The following RAB2A variants were observed in gnomAD, a reference collection of about 807,000 sequenced individuals.
RAB2A encodes RAB2A, member RAS oncogene family, also known as ras-related protein Rab-2A.
Under a neutral mutation model 32.5 loss-of-function variants are expected in RAB2A, and 7 were observed. The observed-to-expected ratio is 0.22, with a 90% CI of 0.12 to 0.40. The LOEUF (loss-of-function observed/expected upper bound fraction) is 0.40. RAB2A is among the 10% of genes least tolerant of loss of function. The probability of loss-of-function intolerance (pLI) is 1.00; values close to 1 mark genes in which losing one functional copy is unlikely to be tolerated. For synonymous variants in RAB2A, 79 were observed against 85.2 expected, an observed-to-expected ratio of 0.93 and a Z score of 0.40; for missense variants, 108 against 260.7, an observed-to-expected ratio of 0.41 and a Z score of 4.03.
intron 1 of RAB2A, among the ~76,000 whole-genome samples, chr8:60,532,668 A>T (rs1421358836): frequency 1.3e-5 from 2 of 152,152 alleles, no homozygotes; most frequent in Non-Finnish European, 2.9e-5. Flanking sequence ...ATGCCAGCAC[A>T]GCCGGCTATT....
chr8:60,597,083 T>C (rs1804041750), intron 6 of RAB2A, among the ~76,000 whole-genome samples: 1 of 152,180 alleles, frequency 6.6e-6, no homozygotes, highest in Admixed American at 6.5e-5. Flanking sequence ...GACCCTGCAA[T>C]CCCATTACTG....
chr8:60,603,315 C>A (rs190144409), intron 6 of RAB2A, among the ~76,000 whole-genome samples: 74 of 152,190 alleles, frequency 4.9e-4, no homozygotes, highest in African/African-American at 1.6e-3. Context: ...TCACCAAGAC[C>A]CAGTTACTGT....
intron 3 of RAB2A, among the ~76,000 whole-genome samples, chr8:60,574,654 G>T (rs1414655417): frequency 1.3e-5 from 2 of 152,080 alleles, no homozygotes; most frequent in African/African-American, 4.8e-5. Flanking sequence ...TCATTTCCTA[G>T]TTGTCTGTTT....
intron 2 of RAB2A, among the ~76,000 whole-genome samples, chr8:60,562,668 CAG>C (rs1199859717): frequency 1.3e-5 from 2 of 152,042 alleles, no homozygotes; most frequent in Non-Finnish European, 2.9e-5. Context: ...CTGAAGCAAA[CAG>C]AATATTTAGG....
intron 1 of RAB2A, among the ~76,000 whole-genome samples, chr8:60,518,764 G>A (rs1305233762): frequency 1.3e-5 from 2 of 152,006 alleles, no homozygotes; most frequent in African/African-American, 4.8e-5. Context: ...TGGTGTATTT[G>A]GAAGAAGGAG....
At chr8:60,571,591 T>G (rs1026858854) in intron 2 of RAB2A, among the ~76,000 whole-genome samples, 1 of 152,212 alleles carries the variant, frequency 6.6e-6, no homozygotes, top group African/African-American at 2.4e-5. Flanking sequence ...AGTGGCAGAT[T>G]TGGAGATTTC....
chr8:60,552,767 G>A (rs1205293944), intron 1 of RAB2A: 1 of 152,180 alleles, frequency 6.6e-6, no homozygotes, highest in Non-Finnish European at 1.5e-5. Context: ...TAAAGGTAGT[G>A]AGGAAAATTC....
At chr8:60,587,105 A>C (rs1009119848) in intron 5 of RAB2A, among the ~76,000 whole-genome samples, 1 of 152,290 alleles carries the variant, frequency 6.6e-6, no homozygotes, top group East Asian at 1.9e-4. Flanking sequence ...AGAATTTACT[A>C]TTCTACAAAT....
At chr8:60,574,771 C>A (rs923589012) in intron 3 of RAB2A, among the ~76,000 whole-genome samples, 25 of 151,980 alleles carry the variant, frequency 1.6e-4, no homozygotes, top group Admixed American at 6.6e-5. Context: ...AATAAACTTG[C>A]AAAAGAAATC....
chr8:60,553,762 A>G (rs1807893567), intron 1 of RAB2A, among the ~76,000 whole-genome samples: 1 of 152,216 alleles, frequency 6.6e-6, no homozygotes, highest in African/African-American at 2.4e-5. Context: ...ATAAAGTATT[A>G]TGGGAGCCCA....
At chr8:60,612,697 T>C (rs2150437589) in intron 6 of RAB2A, among the ~76,000 whole-genome samples, 1 of 152,336 alleles carries the variant, frequency 6.6e-6, no homozygotes, top group Admixed American at 6.5e-5. Context: ...TGCAGCTCAG[T>C]CATATCTACA....
intron 6 of RAB2A, among the ~76,000 whole-genome samples, chr8:60,615,687 C>A (rs1019634278): frequency 1.3e-5 from 2 of 152,100 alleles, no homozygotes; most frequent in African/African-American, 2.4e-5. Flanking sequence ...ATAAGCCTTA[C>A]TAGTATTTGG....
At chr8:60,614,366 C>T (rs1275917692) in intron 6 of RAB2A, among the ~76,000 whole-genome samples, 3 of 152,004 alleles carry the variant, frequency 2.0e-5, no homozygotes, top group Admixed American at 6.6e-5. Flanking sequence ...CAATAGTCCT[C>T]CTCATCTTTG....
At chr8:60,552,010 T>TTTTTTTG (rs919797143) in intron 1 of RAB2A, 5 of 145,188 alleles carry the variant, frequency 3.4e-5, no homozygotes, top group African/African-American at 1.3e-4. Context: ...AGTTTTTTTT[T>TTTTTTTG]TTTTTTTTTT....
At chr8:60,524,402 G>A (rs1045698936) in intron 1 of RAB2A, among the ~76,000 whole-genome samples, 1 of 151,894 alleles carries the variant, frequency 6.6e-6, no homozygotes, top group South Asian at 2.1e-4. Context: ...GCTCACTTTA[G>A]TCTATGAGGC....
chr8:60,620,820 C>A lies in RAB2A; in HGVS notation c.*51C>A. 1 of 1,469,226 alleles carries A rather than the reference C, an allele frequency of 6.8e-7. No homozygotes were observed. The highest frequency in any genetic ancestry group is 9.3e-7 in the Non-Finnish European group (1 of 1,076,078). The allele number at this position is 1,469,226 out of a possible 1,614,324, so 91.0% of individuals were successfully genotyped here. A position where few individuals can be genotyped will look rare whatever the true frequency, so the allele number is the denominator to read the frequency against. The stretch of plus-strand genomic sequence containing the variant: ...AACGGGGCCTACTCACTTATTCTTT[C>A]ACCCCCTCTCCTCCTGCTCAGCTGA... On this transcript the variant is annotated 3_prime_UTR_variant, in exon 8 of 8. Transcript: ENST00000262646.
chr8:60,568,665 A>C (rs1188366271), intron 2 of RAB2A, among the ~76,000 whole-genome samples: 1 of 152,198 alleles, frequency 6.6e-6, no homozygotes, highest in Non-Finnish European at 1.5e-5. Flanking sequence ...GATTGGAGAC[A>C]ATTAGAAAGT....
chr8:60,547,881 T>C (rs1416638165), intron 1 of RAB2A, among the ~76,000 whole-genome samples: 7 of 114,846 alleles, frequency 6.1e-5, no homozygotes, highest in Non-Finnish European at 7.2e-5. Flanking sequence ...GGCGGGGGGC[T>C]GACCCCCCTA....
At chr8:60,523,132 C>T (rs907096998) in intron 1 of RAB2A, among the ~76,000 whole-genome samples, 2 of 150,904 alleles carry the variant, frequency 1.3e-5, no homozygotes, top group African/African-American at 4.9e-5. Flanking sequence ...TAATGATAAA[C>T]ACCCATGCAA....
Sources: allele counts gnomAD v4.1 joint callset (sites outside exome capture counted in the v4.1 genomes callset), GRCh38; gene constraint gnomAD v4.1.1; transcripts MANE v1.5; gene names NCBI Gene and HGNC (gene_info 2026-07-23, HGNC 2026-07-21).